Variants in SNX29 observed in about 807,000 individuals in gnomAD.
SNX29 encodes sorting nexin-29.
In SNX29, 78 loss-of-function variants were observed where a neutral mutation model predicts 102.1. The ratio of observed to expected loss-of-function variants is 0.76; its 90% CI spans 0.64 to 0.92. The LOEUF is 0.92. Among genes scored for constraint, SNX29 ranks in the 40% least tolerant of loss-of-function variants. The pLI, the probability that SNX29 is intolerant of heterozygous loss-of-function variation, is 0.00. For synonymous variants in SNX29, 580 were observed against 414.5 expected, an observed-to-expected ratio of 1.40 and a Z score of -4.85; for missense variants, 1,280 against 1,061.7, an observed-to-expected ratio of 1.21 and a Z score of -2.86.
intron 15 of SNX29, among the ~76,000 whole-genome samples, chr16:12,285,621 G>A (rs541785119): frequency 1.3e-5 from 2 of 152,236 alleles, no homozygotes; most frequent in South Asian, 4.1e-4. Flanking sequence ...TAAAAATTCC[G>A]GAAGCAGCCA....
intron 19 of SNX29, among the ~76,000 whole-genome samples, chr16:12,499,151 A>G (rs919372357): frequency 2.1e-4 from 32 of 152,256 alleles, no homozygotes; most frequent in African/African-American, 7.2e-4. Flanking sequence ...TTAGGGTTCT[A>G]TATGGGCATT....
chr16:12,368,533 C>T (rs764409990), intron 16 of SNX29, among the ~76,000 whole-genome samples: 1 of 152,118 alleles, frequency 6.6e-6, no homozygotes, highest in African/African-American at 2.4e-5. Context: ...AAATACAGTC[C>T]CTGCCTTTGA....
At chr16:12,090,942 G>C (rs1841726301) in intron 11 of SNX29, among the ~76,000 whole-genome samples, 1 of 136,776 alleles carries the variant, frequency 7.3e-6, no homozygotes, top group South Asian at 2.4e-4. Context: ...TTGAACCCAG[G>C]AAGTGGAGGT....
intron 18 of SNX29, among the ~76,000 whole-genome samples, chr16:12,427,389 T>A (rs558897044): frequency 6.6e-6 from 1 of 152,302 alleles, no homozygotes; most frequent in East Asian, 1.9e-4. Context: ...CCACCTCTGA[T>A]AGGAACCAAC....
chr16:12,251,657 C>A (rs1280782088), intron 14 of SNX29, among the ~76,000 whole-genome samples: 2 of 152,226 alleles, frequency 1.3e-5, no homozygotes, highest in South Asian at 4.2e-4. Context: ...GAGCTGAGAT[C>A]GTGCCATTGC....
intron 20 of SNX29, among the ~76,000 whole-genome samples, chr16:12,567,958 C>T (rs375264423): frequency 2.4e-4 from 37 of 152,146 alleles, no homozygotes; most frequent in African/African-American, 7.5e-4. Flanking sequence ...GGATCAGTGT[C>T]CCCCTCTTGG....
At chr16:12,543,772 C>A (rs983819896) in intron 20 of SNX29, among the ~76,000 whole-genome samples, 3 of 152,204 alleles carry the variant, frequency 2.0e-5, no homozygotes, top group African/African-American at 7.2e-5. Context: ...AGTTTATTTT[C>A]CAAGATGTAT....
chr16:12,057,421 G>A (rs375571884), intron 8 of SNX29, among the ~76,000 whole-genome samples: 22 of 152,262 alleles, frequency 1.4e-4, no homozygotes, highest in African/African-American at 5.3e-4. Flanking sequence ...GGTGCACAGG[G>A]GCTGACCTCA....
At chr16:12,471,120 G>A (rs79724546) in intron 18 of SNX29, among the ~76,000 whole-genome samples, 3,174 of 152,166 alleles carry the variant, frequency 0.021, 64 homozygotes, top group East Asian at 0.052. Flanking sequence ...AAAGACGCCC[G>A]TTCCTATGCT....
At chr16:12,235,699 A>AT (rs984369083) in intron 14 of SNX29, among the ~76,000 whole-genome samples, 12 of 152,014 alleles carry the variant, frequency 7.9e-5, no homozygotes, top group Admixed American at 3.3e-4. Flanking sequence ...TTGCATCCAC[A>AT]TTTTTTTTAT....
intron 20 of SNX29, chr16:12,526,745 C>A (rs903950092): frequency 2.2e-6 from 1 of 451,382 alleles, no homozygotes. Context: ...AGAGTGTGAG[C>A]AGGAGGCGCT....
At chr16:12,385,419 T>C (rs1318861354) in intron 16 of SNX29, among the ~76,000 whole-genome samples, 1 of 152,148 alleles carries the variant, frequency 6.6e-6, no homozygotes, top group Non-Finnish European at 1.5e-5. Flanking sequence ...ATTTTTTTCA[T>C]GGGGCGGTGG....
intron 14 of SNX29, among the ~76,000 whole-genome samples, chr16:12,228,451 G>A (rs752317279): frequency 6.6e-6 from 1 of 152,240 alleles, no homozygotes; most frequent in African/African-American, 2.4e-5. Flanking sequence ...GACAGCAGCA[G>A]CATCCTGCTC....
intron 18 of SNX29, among the ~76,000 whole-genome samples, chr16:12,451,150 C>G (rs1421466664): frequency 1.3e-5 from 2 of 152,240 alleles, no homozygotes; most frequent in African/African-American, 2.4e-5. Context: ...ATTCAACAAT[C>G]TGCTACTCGC....
chr16:12,277,810 G>A, intron 14 of SNX29, 123 bp from the exon 15 acceptor site: 1 of 731,716 alleles, frequency 1.4e-6, no homozygotes, highest in Non-Finnish European at 2.3e-6. Flanking sequence ...GTGTGTGTGT[G>A]TTTTTCTTGA....
At chr16:12,401,006 A>G (rs1342592293) in intron 17 of SNX29, among the ~76,000 whole-genome samples, 2 of 151,730 alleles carry the variant, frequency 1.3e-5, no homozygotes, top group Non-Finnish European at 2.9e-5. Context: ...TTTTGTTTGT[A>G]TTTTTTAGTA....
chr16:12,004,866 T>C (rs1377563888), intron 3 of SNX29, among the ~76,000 whole-genome samples: 2 of 152,340 alleles, frequency 1.3e-5, no homozygotes, highest in Non-Finnish European at 1.5e-5. Context: ...AAACTATATA[T>C]ACATTCGGCT....
At chr16:12,284,617 C>G (rs562127227) in intron 15 of SNX29, among the ~76,000 whole-genome samples, 1 of 152,166 alleles carries the variant, frequency 6.6e-6, no homozygotes, top group Non-Finnish European at 1.5e-5. Context: ...TATTCAATAG[C>G]AATTAACAGT....
rs202076156 is a variant in SNX29 at position 12,146,756 on chromosome 16, G to A, written c.1595+16998G>A. 2.6e-5 allele frequency among the ~76,000 whole-genome samples: 4 copies of A among 152,160 alleles called. No homozygotes were observed. The South Asian group carries it at 8.3e-4, about 32-fold the overall frequency. ...TCGTTTTTCTTTTGGGATTAATGAT[G>A]TGGGACTCCCAAAGGTGGGAGAATG... On this transcript the variant is annotated intron_variant, in intron 13 of 20. Coordinates refer to ENST00000566228, the MANE Select transcript of SNX29 (RefSeq NM_032167.5).
Sources: allele counts gnomAD v4.1 joint callset (sites outside exome capture counted in the v4.1 genomes callset), GRCh38; gene constraint gnomAD v4.1.1; transcripts MANE v1.5; gene names NCBI Gene and HGNC (gene_info 2026-07-23, HGNC 2026-07-21).